Variants in PLPP3 observed in about 807,000 individuals in gnomAD.
PLPP3 encodes PAP2 beta.
PLPP3 carries 6 observed loss-of-function variants against 29.6 expected under a neutral mutation model. That is an observed-to-expected ratio of 0.20 (90% confidence interval 0.11 to 0.40). The LOEUF (loss-of-function observed/expected upper bound fraction) is 0.40, where lower values mean the gene tolerates loss of function less well. Ranked by LOEUF, PLPP3 falls within the 10% of genes least tolerant of loss-of-function variation. PLPP3 has a pLI of 1.00. For synonymous variants in PLPP3, 152 were observed against 159.7 expected (o/e 0.95, Z 0.36); for missense variants, 308 against 407.7 (o/e 0.76, Z 2.11).
chr1:56,566,703 C>G (rs1048029852), intron 1 of PLPP3, among the ~76,000 whole-genome samples: 1 of 152,190 alleles, frequency 6.6e-6, no homozygotes, highest in Non-Finnish European at 1.5e-5. Context: ...AAGCACCTAA[C>G]AATAAATGGG....
chr1:56,556,978 G>GAA (rs1569594028), intron 1 of PLPP3, among the ~76,000 whole-genome samples: 1 of 4,910 alleles, frequency 2.0e-4, no homozygotes, highest in African/African-American at 5.4e-4. Flanking sequence ...AAGAAAGAAA[G>GAA]AAAGAAAGAA....
At chr1:56,510,821 A>G (rs1011098636) in intron 5 of PLPP3, among the ~76,000 whole-genome samples, 3 of 152,190 alleles carry the variant, frequency 2.0e-5, no homozygotes, top group Non-Finnish European at 2.9e-5. Context: ...AGTAACATAT[A>G]TATTACACAT....
chr1:56,520,651 C>T (rs1266804607), intron 4 of PLPP3, among the ~76,000 whole-genome samples: 1 of 123,882 alleles, frequency 8.1e-6, no homozygotes, highest in African/African-American at 2.9e-5. Context: ...TGGCTCATGC[C>T]TGTAATCCCA....
chr1:56,499,493 G>A lies in PLPP3; in HGVS notation c.811-2817C>T, dbSNP rs757687058. ...AATAAGGGCTTAATAAATGTTTGTC[G>A]TTGAATTTCAAAAATTCTCTCTACT... On this transcript the variant is annotated intron_variant, in intron 5 of 5. Coordinates refer to ENST00000371250, the MANE Select transcript of PLPP3 (RefSeq NM_003713.5). 9.2e-5 allele frequency among the ~76,000 whole-genome samples: 14 copies of A among 152,074 alleles called. No homozygotes were observed. In the East Asian group the frequency reaches 1.2e-3, roughly 13 times the overall value.
At chr1:56,512,216 C>A in intron 4 of PLPP3, 64 bp from the exon 5 acceptor site, 1 of 1,369,600 alleles carries the variant, frequency 7.3e-7, no homozygotes, top group South Asian at 1.5e-5. Context: ...CACTATAACC[C>A]CAGGTGACAC....
intron 1 of PLPP3, among the ~76,000 whole-genome samples, chr1:56,540,926 T>G (rs1434938722): frequency 6.6e-6 from 1 of 152,196 alleles, no homozygotes. Flanking sequence ...TCACCATCTT[T>G]ATTACCAATT....
intron 4 of PLPP3, among the ~76,000 whole-genome samples, chr1:56,518,413 G>A (rs1005044064): frequency 2.6e-5 from 4 of 151,782 alleles, no homozygotes; most frequent in Admixed American, 6.6e-5. Context: ...TCCTGGGACA[G>A]CACAGTAAAG....
At chr1:56,517,070 T>A (rs906637841) in intron 4 of PLPP3, 1 of 152,346 alleles carries the variant, frequency 6.6e-6, no homozygotes, top group Admixed American at 6.5e-5. Context: ...TTGTGTTTCA[T>A]TACATGATTT....
At chr1:56,508,389 G>A (rs1017186120) in intron 5 of PLPP3, among the ~76,000 whole-genome samples, 1 of 152,180 alleles carries the variant, frequency 6.6e-6, no homozygotes. Context: ...AAATGTCAGC[G>A]AAGATTACAA....
intron 1 of PLPP3, among the ~76,000 whole-genome samples, 197 bp from the exon 2 acceptor site, chr1:56,537,309 C>A (rs566232383): frequency 6.6e-6 from 1 of 152,202 alleles, no homozygotes; most frequent in Non-Finnish European, 1.5e-5. Flanking sequence ...CCTTTCCACA[C>A]CCCCATGAGG....
chr1:56,566,363 C>T (rs944256301), intron 1 of PLPP3, among the ~76,000 whole-genome samples: 1 of 152,204 alleles, frequency 6.6e-6, no homozygotes, highest in Non-Finnish European at 1.5e-5. Flanking sequence ...CAAACTCACT[C>T]ACTGCACCAC....
At chr1:56,512,779 C>T (rs921528347) in intron 4 of PLPP3, 1 of 151,958 alleles carries the variant, frequency 6.6e-6, no homozygotes, top group Non-Finnish European at 1.5e-5. Flanking sequence ...ATAGTAGGAA[C>T]GTAATAAATG....
At chr1:56,544,296 T>C (rs1645991423) in intron 1 of PLPP3, among the ~76,000 whole-genome samples, 2 of 152,234 alleles carry the variant, frequency 1.3e-5, no homozygotes, top group Non-Finnish European at 2.9e-5. Context: ...CAGCAACTCA[T>C]GGTTCATATC....
At chr1:56,578,762 G>T in intron 1 of PLPP3, 116 bp downstream of exon 1, 1 of 1,130,882 alleles carries the variant, frequency 8.8e-7, no homozygotes, top group Non-Finnish European at 1.1e-6. Flanking sequence ...GGCTGCGGGG[G>T]CCCCCCGGAG....
rs771431079 is a variant in PLPP3, at chr1:56,512,063, C to A, written c.723G>T (p.Thr241=). The change falls in exon 5 of 6, where the codon ACG becomes ACT. Residue 241 remains threonine, a synonymous_variant. Transcript: ENST00000371250. ...QFTLIMMAFY[T]GLSRVSDHKH... ...TGTGGTCTGATACGCGAGACAGTCC[C>A]GTGTAGAAGGCCATCATGATCAAGG... is the stretch of plus-strand genomic sequence containing the variant. 1 of 1,613,480 alleles carries A rather than the reference C, an allele frequency of 6.2e-7. No homozygotes were observed. The highest frequency in any genetic ancestry group is 1.3e-5 in the African/African-American group (1 of 74,904).
intron 5 of PLPP3, 90 bp from the exon 6 acceptor site, chr1:56,496,766 C>T: frequency 1.4e-6 from 2 of 1,439,798 alleles, no homozygotes; most frequent in African/African-American, 1.4e-5. Context: ...GCGCAGACTT[C>T]AGGAAAAGGG....
chr1:56,540,288 G>A (rs181629536), intron 1 of PLPP3, among the ~76,000 whole-genome samples: 11 of 152,208 alleles, frequency 7.2e-5, no homozygotes, highest in Non-Finnish European at 1.3e-4. Context: ...ACACAAAGAT[G>A]ACCCAGACCC....
intron 1 of PLPP3, among the ~76,000 whole-genome samples, chr1:56,570,708 A>T (rs1224229139): frequency 1.3e-5 from 2 of 152,160 alleles, no homozygotes; most frequent in African/African-American, 2.4e-5. Flanking sequence ...GTCACATGGG[A>T]ATAAGGAGAG....
intron 1 of PLPP3, among the ~76,000 whole-genome samples, chr1:56,573,914 A>C (rs1646217186): frequency 6.6e-6 from 1 of 152,150 alleles, no homozygotes; most frequent in Non-Finnish European, 1.5e-5. Context: ...TTAAAAGCAG[A>C]AAAGGGGCCT....
Sources: allele counts gnomAD v4.1 joint callset (sites outside exome capture counted in the v4.1 genomes callset), GRCh38; gene constraint gnomAD v4.1.1; transcripts MANE v1.5; gene names NCBI Gene and HGNC (gene_info 2026-07-23, HGNC 2026-07-21).